MYT1L: variants seen among roughly 807,000 people sequenced by gnomAD.
The protein encoded by MYT1L is myelin transcription factor 1-like protein.
In MYT1L, 12 loss-of-function variants were observed where a neutral mutation model predicts 126.7. The observed-to-expected ratio is 0.09, with a 90% CI of 0.06 to 0.15. MYT1L has a LOEUF of 0.15. Among genes scored for constraint, MYT1L ranks in the 10% least tolerant of loss-of-function variants. The pLI is 1.00. For synonymous variants in MYT1L, 541 were observed against 604.2 expected, an observed-to-expected ratio of 0.90 and a Z score of 1.53; for missense variants, 979 against 1,585.2, an observed-to-expected ratio of 0.62 and a Z score of 6.49.
intron 2 of MYT1L, among the ~76,000 whole-genome samples, chr2:2,200,730 A>G (rs60502090): frequency 6.6e-6 from 1 of 152,180 alleles, no homozygotes; most frequent in Non-Finnish European, 1.5e-5. Flanking sequence ...TACTCTTCTG[A>G]AAAGGGAGTT....
rs199693816 is a variant in MYT1L at position 2,209,167 on chromosome 2, T to C, written c.-420-36179A>G. The stretch of plus-strand genomic sequence containing the variant: ...TTATGGATTACATGAGACATTTTTA[T>C]ACAGAAATGCAGTGCATAATAATCA... On this transcript the variant is annotated intron_variant, in intron 2 of 24. Coordinates refer to ENST00000647738, the MANE Select transcript of MYT1L (RefSeq NM_001303052.2). 2.6e-5 allele frequency among the ~76,000 whole-genome samples: 4 copies of C among 152,244 alleles called. No individual in the cohort carries two copies. In the East Asian group the frequency reaches 7.7e-4, roughly 29 times the overall value.
intron 2 of MYT1L, among the ~76,000 whole-genome samples, chr2:2,187,646 A>C (rs2092306598): frequency 6.6e-6 from 1 of 152,016 alleles, no homozygotes. Context: ...TGGTACCTAA[A>C]CGCTGGCTAA....
chr2:2,320,967 A>T (rs2096153861), intron 1 of MYT1L, among the ~76,000 whole-genome samples: 1 of 152,200 alleles, frequency 6.6e-6, no homozygotes, highest in African/African-American at 2.4e-5. Context: ...GAGACCATAC[A>T]TCCGTGGTCT....
At chr2:2,057,006 T>TGG (rs1252986744) in intron 3 of MYT1L, among the ~76,000 whole-genome samples, 14 of 152,204 alleles carry the variant, frequency 9.2e-5, no homozygotes, top group Non-Finnish European at 1.6e-4. Flanking sequence ...AGAGATCCCA[T>TGG]GCACCCGTCT....
chr2:1,813,704 C>T (rs2037094342), intron 21 of MYT1L, among the ~76,000 whole-genome samples: 1 of 152,078 alleles, frequency 6.6e-6, no homozygotes, highest in Non-Finnish European at 1.5e-5. Flanking sequence ...CGGTTTCATC[C>T]AGAAACCATC....
chr2:1,902,211 T>C (rs2050436894), intron 14 of MYT1L, among the ~76,000 whole-genome samples: 1 of 152,246 alleles, frequency 6.6e-6, no homozygotes, highest in African/African-American at 2.4e-5. Context: ...ACTAGCTTTG[T>C]AGTGAAATGG....
At chr2:2,309,959 A>G (rs1037594321) in intron 1 of MYT1L, among the ~76,000 whole-genome samples, 1 of 151,836 alleles carries the variant, frequency 6.6e-6, no homozygotes, top group African/African-American at 2.4e-5. Context: ...TACTCTATCT[A>G]TACTCCACCT....
intron 8 of MYT1L, among the ~76,000 whole-genome samples, chr2:1,950,807 C>T (rs1369975964): frequency 1.3e-5 from 2 of 152,154 alleles, no homozygotes; most frequent in Non-Finnish European, 2.9e-5. Context: ...GGGATTACTT[C>T]TACACAGTTG....
At chr2:1,881,483 T>C (rs2148795764) in intron 18 of MYT1L, among the ~76,000 whole-genome samples, 1 of 152,220 alleles carries the variant, frequency 6.6e-6, no homozygotes, top group African/African-American at 2.4e-5. Flanking sequence ...TAATTTCTCC[T>C]ACTCATTATG....
At chr2:2,211,017 C>A (rs532952045) in intron 2 of MYT1L, among the ~76,000 whole-genome samples, 1 of 151,930 alleles carries the variant, frequency 6.6e-6, no homozygotes, top group Non-Finnish European at 1.5e-5. Flanking sequence ...CTTTTGATTT[C>A]TTTTTCACAT....
chr2:2,260,304 T>C (rs573680252), intron 2 of MYT1L, among the ~76,000 whole-genome samples: 7 of 152,292 alleles, frequency 4.6e-5, no homozygotes, highest in African/African-American at 1.7e-4. Flanking sequence ...GAGGATCAAA[T>C]GAGAAAAGTT....
chr2:2,081,981 T>C (rs1283336675), intron 3 of MYT1L, among the ~76,000 whole-genome samples: 2 of 152,148 alleles, frequency 1.3e-5, no homozygotes, highest in Non-Finnish European at 2.9e-5. Flanking sequence ...GACCTCGTGA[T>C]CTGCCTGCAT....
intron 3 of MYT1L, among the ~76,000 whole-genome samples, chr2:2,129,457 A>G (rs2082090368): frequency 6.6e-6 from 1 of 152,216 alleles, no homozygotes; most frequent in Non-Finnish European, 1.5e-5. Flanking sequence ...AAAGTTCCAA[A>G]TGGCAGAAAG....
chr2:2,238,004 T>C (rs1467215514), intron 2 of MYT1L, among the ~76,000 whole-genome samples: 1 of 152,198 alleles, frequency 6.6e-6, no homozygotes, highest in Non-Finnish European at 1.5e-5. Flanking sequence ...AAGATCCTTC[T>C]GACAGAAAGG....
intron 21 of MYT1L, among the ~76,000 whole-genome samples, chr2:1,831,290 T>C (rs926229317): frequency 1.8e-4 from 26 of 146,476 alleles, no homozygotes; most frequent in African/African-American, 5.4e-4. Flanking sequence ...CCAGCTTGTC[T>C]GTGGCTTCCT....
intron 9 of MYT1L, among the ~76,000 whole-genome samples, chr2:1,937,018 A>C (rs1678022256): frequency 6.6e-6 from 1 of 152,198 alleles, no homozygotes; most frequent in African/African-American, 2.4e-5. Context: ...CCTTTAAAAA[A>C]GAAGGTGGGG....
At chr2:2,021,913 AGT>A (rs1398618797) in intron 4 of MYT1L, among the ~76,000 whole-genome samples, 1 of 152,110 alleles carries the variant, frequency 6.6e-6, no homozygotes, top group Non-Finnish European at 1.5e-5. Context: ...CAAAAAAAAA[AGT>A]GTAAGTTTAC....
chr2:2,023,334 A>G (rs533645528), intron 4 of MYT1L, among the ~76,000 whole-genome samples: 53 of 152,336 alleles, frequency 3.5e-4, no homozygotes, highest in African/African-American at 1.3e-3. Context: ...CAGAATGTCC[A>G]TTAGAGAAGG....
intron 2 of MYT1L, among the ~76,000 whole-genome samples, chr2:2,241,411 G>A (rs1351721781): frequency 2.6e-5 from 4 of 152,100 alleles, no homozygotes; most frequent in Non-Finnish European, 1.5e-5. Flanking sequence ...CATGGCAAAC[G>A]CTCCTCTCTC....
Sources: allele counts gnomAD v4.1 joint callset (sites outside exome capture counted in the v4.1 genomes callset), GRCh38; gene constraint gnomAD v4.1.1; transcripts MANE v1.5; gene names NCBI Gene and HGNC (gene_info 2026-07-23, HGNC 2026-07-21).